The following ZNF264 variants were observed in gnomAD, a reference collection of about 807,000 sequenced individuals.
ZNF264 encodes the protein zinc finger protein 264.
In ZNF264, 11 loss-of-function variants were observed where a neutral mutation model predicts 11.2. That is an observed-to-expected ratio of 0.98 (90% confidence interval 0.62 to 1.63). The LOEUF is 1.63. Among genes scored for constraint, ZNF264 ranks in the 40% most tolerant of loss-of-function variants. The probability of loss-of-function intolerance (pLI) is 0.00; values close to 1 mark genes in which losing one functional copy is unlikely to be tolerated. For synonymous variants in ZNF264, 309 were observed against 279.8 expected (o/e 1.10, Z -1.04); for missense variants, 752 against 768.1 (o/e 0.98, Z 0.25).
chr19:57,205,625 A>T, intron 3 of ZNF264, 133 bp downstream of exon 3: 1 of 791,310 alleles, frequency 1.3e-6, no homozygotes, highest in Non-Finnish European at 2.1e-6. Flanking sequence ...ACTCTATCAC[A>T]CTAGAATGTT....
At chr19:57,203,953 G>A (rs775561566) in intron 2 of ZNF264, among the ~76,000 whole-genome samples, 13 of 152,096 alleles carry the variant, frequency 8.5e-5, no homozygotes, top group Non-Finnish European at 1.5e-4. Context: ...TTGGGAGGCC[G>A]AGGTGAGCAG....
At chr19:57,207,505 A>G (rs2087301464) in intron 3 of ZNF264, among the ~76,000 whole-genome samples, 1 of 131,064 alleles carries the variant, frequency 7.6e-6, no homozygotes. Flanking sequence ...GTGATTCTCT[A>G]CTCAACCTAA....
chr19:57,191,824 C>T lies in ZNF264; in HGVS notation c.-90C>T, dbSNP rs915858650. 1.8e-6 allele frequency: 2 copies of T among 1,110,662 alleles called. No homozygotes were observed. The highest frequency in any genetic ancestry group is 2.3e-6 in the Non-Finnish European group (2 of 871,258). 68.8% of individuals were successfully genotyped at this position (1,110,662 alleles called of 1,614,324 possible). On this transcript the variant is annotated 5_prime_UTR_variant, in exon 1 of 4. Transcript: ENST00000263095. ...CGGCCCCGAGCGCGCCTGGAAGCCC[C>T]GGGCAACCGGCCAGGGTCGGGCACA...
At chr19:57,203,392 G>A (rs1019810426) in intron 2 of ZNF264, among the ~76,000 whole-genome samples, 1 of 152,154 alleles carries the variant, frequency 6.6e-6, no homozygotes, top group Non-Finnish European at 1.5e-5. Context: ...CCTGAGAGGA[G>A]CAGTCTCTCC....
chr19:57,218,777 AT>A lies in ZNF264; in HGVS notation c.*5800del, dbSNP rs1256553344. The A allele has an allele frequency of 6.6e-6, 1 of 151,894 alleles. No individual in the cohort carries two copies. Among genetic ancestry groups the A allele is most frequent in the African/African-American group, 2.4e-5 (1 of 41,304 alleles). The allele number at this position is 151,894 out of a possible 1,614,324, so 9.4% of individuals were successfully genotyped here. The stretch of plus-strand genomic sequence containing the variant: ...TGTTGAGTTTGTGCAGTGAGTTTTC[AT>A]TTTGGTTTTGTATTTTCCAGTTGTT... On this transcript the variant is annotated 3_prime_UTR_variant, in exon 4 of 4. Coordinates refer to ENST00000263095, the MANE Select transcript of ZNF264 (RefSeq NM_003417.5).
intron 3 of ZNF264, among the ~76,000 whole-genome samples, chr19:57,210,118 A>T (rs1455976146): frequency 1.3e-5 from 2 of 152,110 alleles, no homozygotes; most frequent in Non-Finnish European, 2.9e-5. Flanking sequence ...CTGGATTGTC[A>T]TCAACACCAT....
intron 2 of ZNF264, among the ~76,000 whole-genome samples, chr19:57,202,767 T>C (rs2087262561): frequency 6.6e-6 from 1 of 151,724 alleles, no homozygotes; most frequent in Non-Finnish European, 1.5e-5. Context: ...TAAACATGAG[T>C]GTTTCCTTGA....
intron 1 of ZNF264, among the ~76,000 whole-genome samples, chr19:57,192,881 A>G (rs1473619404): frequency 6.8e-6 from 1 of 146,578 alleles, no homozygotes; most frequent in Non-Finnish European, 1.5e-5. Context: ...ACAGGCATGC[A>G]CTACCACACC....
At chr19:57,198,492 AC>A (rs1392020481) in intron 2 of ZNF264, among the ~76,000 whole-genome samples, 2 of 151,650 alleles carry the variant, frequency 1.3e-5, no homozygotes, top group Non-Finnish European at 2.9e-5. Context: ...AATAGCCTTC[AC>A]CCTAACAGGG....
rs750345676 is a variant in ZNF264 at position 57,211,492 on chromosome 19, T to C, written c.395T>C (p.Leu132Pro). The change falls in exon 4 of 4, where the codon CTA (leucine) becomes CCA (proline). Residue 132 changes from leucine to proline, a missense_variant. Transcript: ENST00000263095. The part of the protein sequence containing the change: ...QLGQAEDQDG[L>P]SEMQEGHFRP... ...GGGCAAGCCGAGGATCAGGATGGGC[T>C]ATCAGAAATGCAGGAAGGACACTTC... 34 of 1,613,948 alleles carry C rather than the reference T, an allele frequency of 2.1e-5. No individual in the cohort carries two copies. The South Asian group carries it at 2.3e-4, about 11-fold the overall frequency.
intron 1 of ZNF264, 124 bp from the exon 2 acceptor site, chr19:57,193,751 G>A: frequency 7.3e-7 from 1 of 1,371,906 alleles, no homozygotes; most frequent in Non-Finnish European, 1.0e-6. Flanking sequence ...CACAGAGCTA[G>A]GCCCTCAGGA....
rs768709752 is a variant in ZNF264, at chr19:57,211,810, A to G, written c.713A>G (p.Lys238Arg). 6.2e-7 allele frequency: 1 copy of G among 1,614,228 alleles called. No individual in the cohort carries two copies. The highest frequency in any genetic ancestry group is 8.5e-7 in the Non-Finnish European group (1 of 1,180,040). Residue 238 changes from lysine to arginine, a missense_variant, in exon 4 of 4, where the codon AAA (lysine) becomes AGA (arginine). By Grantham distance (26) the Lys-to-Arg change is conservative (BLOSUM62 2). Transcript: ENST00000263095. ...VKPYECTECG[K>R]TFIKSTHLLQ... ...CCCTATGAATGCACAGAATGTGGGA[A>G]AACCTTTATTAAGAGCACACATCTC... is the stretch of plus-strand genomic sequence containing the variant.
In ZNF264 at chr19:57,221,462, T is replaced by C. The variant is rs564712637; in HGVS notation, c.*8481T>C. On this transcript the variant is annotated 3_prime_UTR_variant, in exon 4 of 4. Transcript: ENST00000263095. Reference sequence around the variant, plus strand: ...ACGATTTGCTGAGAAGACTCAGGTCTCAGCATTCTGTCATACTCAACAGCT... The same window carrying C: ...ACGATTTGCTGAGAAGACTCAGGTCCCAGCATTCTGTCATACTCAACAGCT... 6.6e-6 allele frequency: 1 copy of C among 152,330 alleles called. No individual in the cohort carries two copies. Among genetic ancestry groups the C allele is most frequent in the African/African-American group, 2.4e-5 (1 of 41,580 alleles). 9.4% of individuals were successfully genotyped at this position (152,330 alleles called of 1,614,324 possible).
rs547980831 is a variant in ZNF264, at chr19:57,218,415, A to G, written c.*5434A>G. ...GTTTTTCATTGTCTCTAGTGTTCAGAAGTTTGGCTGTGATGTGCGTGGCAT... is the reference window on the plus strand; with the variant it reads ...GTTTTTCATTGTCTCTAGTGTTCAGGAGTTTGGCTGTGATGTGCGTGGCAT... On this transcript the variant is annotated 3_prime_UTR_variant, in exon 4 of 4. Coordinates refer to ENST00000263095, the MANE Select transcript of ZNF264 (RefSeq NM_003417.5). The G allele has an allele frequency of 1.6e-4, 24 of 152,386 alleles. No homozygotes were observed. The highest frequency in any genetic ancestry group is 2.6e-4 in the Admixed American group (4 of 15,300). 9.4% of individuals were successfully genotyped at this position (152,386 alleles called of 1,614,324 possible). A position where few individuals can be genotyped will look rare whatever the true frequency, so the allele number is the denominator to read the frequency against.
At chr19:57,193,564 G>A in intron 1 of ZNF264, 1 of 983,072 alleles carries the variant, frequency 1.0e-6, no homozygotes, top group Non-Finnish European at 1.2e-6. Flanking sequence ...AACCATTATT[G>A]CTATTATTAC....
At chr19:57,211,311 G>T (rs1382275197) in intron 3 of ZNF264, 43 bp from the exon 4 acceptor site, 3 of 1,512,506 alleles carry the variant, frequency 2.0e-6, no homozygotes, top group Admixed American at 2.2e-5. Flanking sequence ...TTTCCATGTT[G>T]TCCTTTACTA....
At chr19:57,200,873 A>G (rs996762452) in intron 2 of ZNF264, among the ~76,000 whole-genome samples, 2 of 151,846 alleles carry the variant, frequency 1.3e-5, no homozygotes, top group African/African-American at 4.9e-5. Flanking sequence ...CAGCCTCCCA[A>G]AGTGCTGGGA....
chr19:57,195,445 TCTC>T (rs1463883310), intron 2 of ZNF264, among the ~76,000 whole-genome samples: 2 of 152,216 alleles, frequency 1.3e-5, no homozygotes, highest in East Asian at 1.9e-4. Flanking sequence ...ACTACCTTCT[TCTC>T]CTGCACATTC....
At chr19:57,200,114 T>C (rs1331286620) in intron 2 of ZNF264, among the ~76,000 whole-genome samples, 1 of 151,712 alleles carries the variant, frequency 6.6e-6, no homozygotes, top group Non-Finnish European at 1.5e-5. Context: ...TTATCTCCTG[T>C]AGAGAAAAAG....
Sources: allele counts gnomAD v4.1 joint callset (sites outside exome capture counted in the v4.1 genomes callset), GRCh38; gene constraint gnomAD v4.1.1; transcripts MANE v1.5; gene names NCBI Gene and HGNC (gene_info 2026-07-23, HGNC 2026-07-21).